The following SPTLC1 variants were observed in gnomAD, a reference collection of about 807,000 sequenced individuals.
SPTLC1 encodes serine palmitoyltransferase long chain base subunit 1, also known as serine palmitoyltransferase 1.
A neutral mutation model predicts 68.9 loss-of-function variants in SPTLC1; 55 were observed. The ratio of observed to expected loss-of-function variants is 0.80; its 90% CI spans 0.64 to 1.00. The LOEUF is 1.00. Among genes scored for constraint, SPTLC1 ranks in the 50% least tolerant of loss-of-function variants. The pLI is 0.00. For synonymous variants in SPTLC1, 197 were observed against 201.6 expected (o/e 0.98, Z 0.19); for missense variants, 449 against 573.1 (o/e 0.78, Z 2.21).
chr9:92,041,828 T>C (rs941032024), intron 12 of SPTLC1, among the ~76,000 whole-genome samples: 1 of 152,346 alleles, frequency 6.6e-6, no homozygotes, highest in Middle Eastern at 3.4e-3. Context: ...AATATTTCAA[T>C]GTAATTCAGC....
chr9:92,070,475 G>A (rs1453013788), intron 5 of SPTLC1, among the ~76,000 whole-genome samples: 2 of 152,344 alleles, frequency 1.3e-5, no homozygotes, highest in South Asian at 4.1e-4. Flanking sequence ...ACACGGCAGA[G>A]AAGTGACCAT....
At chr9:92,091,889 C>T (rs1008214274) in intron 3 of SPTLC1, among the ~76,000 whole-genome samples, 3 of 152,184 alleles carry the variant, frequency 2.0e-5, no homozygotes, top group Middle Eastern at 3.4e-3. Context: ...AGCTACACTG[C>T]TATCAGACAA....
chr9:92,052,524 T>G (rs1228344479), intron 8 of SPTLC1, among the ~76,000 whole-genome samples: 1 of 151,774 alleles, frequency 6.6e-6, no homozygotes, highest in Non-Finnish European at 1.5e-5. Context: ...AAACAAAGAT[T>G]ATTATTATTA....
intron 1 of SPTLC1, chr9:92,114,858 T>C (rs540693637): frequency 1.1e-3 from 207 of 182,116 alleles, no homozygotes; most frequent in African/African-American, 4.6e-3. Flanking sequence ...CCTAAGTCAC[T>C]TGATTTCTTT....
At chr9:92,074,568 T>G (rs536367250) in intron 5 of SPTLC1, among the ~76,000 whole-genome samples, 95 of 152,104 alleles carry the variant, frequency 6.2e-4, no homozygotes, top group African/African-American at 2.3e-3. Context: ...ATCATCCCAT[T>G]GAAACATGGC....
At chr9:92,032,608 T>C in intron 14 of SPTLC1, 50 bp from the exon 15 acceptor site, 5 of 1,612,410 alleles carry the variant, frequency 3.1e-6, no homozygotes, top group Admixed American at 1.7e-5. Flanking sequence ...CCAGGCGCAG[T>C]GGCTCACGCC....
chr9:92,032,823 C>T (rs917603089), intron 14 of SPTLC1, among the ~76,000 whole-genome samples: 2 of 151,390 alleles, frequency 1.3e-5, no homozygotes, highest in African/African-American at 4.9e-5. Flanking sequence ...TAGCAGTGAG[C>T]CGAGATCGCG....
chr9:92,057,054 A>C (rs1199334503), intron 7 of SPTLC1, among the ~76,000 whole-genome samples: 1 of 152,224 alleles, frequency 6.6e-6, no homozygotes, highest in East Asian at 1.9e-4. Flanking sequence ...TAAATCAGCT[A>C]ATCATACCAC....
At chr9:92,054,498 T>C (rs947679237) in intron 8 of SPTLC1, among the ~76,000 whole-genome samples, 1 of 152,206 alleles carries the variant, frequency 6.6e-6, no homozygotes, top group African/African-American at 2.4e-5. Context: ...TTCCGTATCT[T>C]GACTGTGGTG....
intron 7 of SPTLC1, among the ~76,000 whole-genome samples, chr9:92,058,611 C>T (rs7041193): frequency 0.53 from 80,952 of 152,048 alleles, 24,709 homozygotes; most frequent in African/African-American, 0.85. Flanking sequence ...GTTAGGTTCT[C>T]GAGAGGAAAC....
chr9:92,083,581 T>G (rs1246574490), intron 3 of SPTLC1, among the ~76,000 whole-genome samples: 1 of 152,230 alleles, frequency 6.6e-6, no homozygotes, highest in East Asian at 1.9e-4. Flanking sequence ...GAGGGCTCTG[T>G]TCTGTTCCAT....
At chr9:92,047,301 T>G in intron 10 of SPTLC1, 33 bp from the exon 11 acceptor site, 1 of 1,561,988 alleles carries the variant, frequency 6.4e-7, no homozygotes, top group Non-Finnish European at 8.8e-7. Flanking sequence ...ATATACACAT[T>G]CTCTGTCCTT....
chr9:92,108,843 G>GAAAA lies in SPTLC1; in HGVS notation c.166-13_166-10dup, dbSNP rs973545066. 3 of 1,577,086 alleles carry GAAAA rather than the reference G, an allele frequency of 1.9e-6. No homozygotes were observed. In the African/African-American group the frequency reaches 4.1e-5, roughly 21 times the overall value. ...ATCAGTTCTTCTTTTTCCTACAGGA[G>GAAAA]AAAAAGAATTAAAATACAGTGCAGT... On this transcript the variant is annotated splice_polypyrimidine_tract_variant and intron_variant, in intron 2 of 14. Coordinates refer to ENST00000262554, the MANE Select transcript of SPTLC1 (RefSeq NM_006415.4).
chr9:92,086,737 C>G lies in SPTLC1; in HGVS notation c.261-5774G>C, dbSNP rs201105388. Among the ~76,000 whole-genome samples, 53 of 152,220 alleles carry G rather than the reference C, an allele frequency of 3.5e-4. No homozygotes were observed. In the East Asian group the frequency reaches 7.8e-3, roughly 22 times the overall value. ...TTATGTGTCTTGGAGTTGCTCTTCT[C>G]AAGGAGTATCTTTGTGGTGTTCTCT... is the stretch of plus-strand genomic sequence containing the variant. On this transcript the variant is annotated intron_variant, in intron 3 of 14. Transcript: ENST00000262554.
chr9:92,045,216 G>A (rs7854213), intron 12 of SPTLC1, among the ~76,000 whole-genome samples: 7,884 of 151,996 alleles, frequency 0.052, 268 homozygotes, highest in Middle Eastern at 0.065. Flanking sequence ...TTCCATATCC[G>A]GAACACAGAT....
intron 3 of SPTLC1, among the ~76,000 whole-genome samples, chr9:92,100,285 G>A (rs1238906658): frequency 2.6e-5 from 4 of 152,134 alleles, no homozygotes; most frequent in African/African-American, 7.2e-5. Flanking sequence ...GATGCCCACA[G>A]GGCTATACTG....
At chr9:92,077,292 C>T (rs1834715397) in intron 5 of SPTLC1, among the ~76,000 whole-genome samples, 1 of 152,130 alleles carries the variant, frequency 6.6e-6, no homozygotes, top group Admixed American at 6.5e-5. Context: ...AGGAAATCCA[C>T]TAAGCTGCCA....
chr9:92,079,451 CT>C (rs1384293863), intron 5 of SPTLC1: 1 of 1,605,222 alleles, frequency 6.2e-7, no homozygotes, highest in Non-Finnish European at 8.5e-7. Flanking sequence ...TGCCGGTCTT[CT>C]TTGATGACTC....
intron 3 of SPTLC1, among the ~76,000 whole-genome samples, chr9:92,100,549 T>G (rs1835709017): frequency 6.6e-6 from 1 of 152,138 alleles, no homozygotes; most frequent in Non-Finnish European, 1.5e-5. Context: ...GTGCCATCAG[T>G]GCGCTCACCA....
Sources: gnomAD v4.1 joint callset for allele counts (sites outside exome capture counted in the v4.1 genomes callset) on GRCh38, gnomAD v4.1.1 for gene constraint, MANE v1.5 for transcripts, NCBI Gene and HGNC (gene_info 2026-07-23, HGNC 2026-07-21) for gene names.